CNKSR3: variants seen among roughly 807,000 people sequenced by gnomAD.
The protein encoded by CNKSR3 is CNKSR family member 3, also known as connector enhancer of kinase suppressor of ras 3.
A neutral mutation model predicts 67.7 loss-of-function variants in CNKSR3; 36 were observed. That is an observed-to-expected ratio of 0.53 (90% CI 0.41 to 0.70). CNKSR3 has a LOEUF of 0.70. Ranked by LOEUF, CNKSR3 falls within the 30% of genes least tolerant of loss-of-function variation. The pLI is 0.00. For synonymous variants in CNKSR3, 281 were observed against 271.4 expected (o/e 1.04, Z -0.35); for missense variants, 630 against 695.2 (o/e 0.91, Z 1.05).
At chr6:154,500,464 A>T (rs1030252958) in intron 1 of CNKSR3, among the ~76,000 whole-genome samples, 3 of 152,206 alleles carry the variant, frequency 2.0e-5, no homozygotes, top group African/African-American at 7.2e-5. Context: ...TGGAGCTGAC[A>T]GACTGTCTCC....
At chr6:154,448,040 T>C (rs2128718708) in intron 2 of CNKSR3, among the ~76,000 whole-genome samples, 1 of 152,250 alleles carries the variant, frequency 6.6e-6, no homozygotes, top group Admixed American at 6.5e-5. Flanking sequence ...TCCAATGTAG[T>C]CACTGGCACA....
rs930370822 is a variant in CNKSR3 at position 154,396,188 on chromosome 6, C to G, written c.*10166G>C. On this transcript the variant is annotated 3_prime_UTR_variant, in exon 13 of 13. Transcript: ENST00000607772. The stretch of plus-strand genomic sequence containing the variant: ...TAACTTTTCCCTGGCTAATTTGAAA[C>G]TGCCTGTACGAGCTTTAAATGAGTT... 6.6e-6 allele frequency: 1 copy of G among 152,222 alleles called. No individual in the cohort carries two copies. Among genetic ancestry groups the G allele is most frequent in the African/African-American group, 2.4e-5 (1 of 41,462 alleles). 9.4% of individuals were successfully genotyped at this position (152,222 alleles called of 1,614,324 possible). A position where few individuals can be genotyped will look rare whatever the true frequency, so the allele number is the denominator to read the frequency against.
At chr6:154,426,803 C>A (rs531507425) in intron 7 of CNKSR3, among the ~76,000 whole-genome samples, 3 of 152,172 alleles carry the variant, frequency 2.0e-5, no homozygotes, top group Admixed American at 6.5e-5. Context: ...TTAAGACAGA[C>A]AACGTAATCA....
chr6:154,452,267 CTGCA>C (rs2128719503), intron 1 of CNKSR3, among the ~76,000 whole-genome samples: 1 of 152,320 alleles, frequency 6.6e-6, no homozygotes, highest in Admixed American at 6.5e-5. Flanking sequence ...CCTCGCTCTT[CTGCA>C]TTTTCTCGCA....
chr6:154,467,852 T>C lies in CNKSR3; in HGVS notation c.53-17594A>G, dbSNP rs188759966. 7.0e-3 allele frequency among the ~76,000 whole-genome samples: 1,059 copies of C among 151,810 alleles called. 23 individuals carry two copies. Among genetic ancestry groups the C allele is most frequent in the African/African-American group, 0.024 (1,010 of 41,446 alleles). ...TCGGCTCACTGCAACCTCCGCCTCC[T>C]GGGTTCAAGTGATTCTCCTGCCTCA... On this transcript the variant is annotated intron_variant, in intron 1 of 12. Transcript: ENST00000607772.
chr6:154,505,832 A>G (rs1361785566), intron 1 of CNKSR3, among the ~76,000 whole-genome samples: 1 of 152,130 alleles, frequency 6.6e-6, no homozygotes, highest in African/African-American at 2.4e-5. Context: ...TACCCACTCG[A>G]GGCTGATCAA....
Position 154,393,370 on chromosome 6 carries a change from A to G in CNKSR3, c.*12984T>C, listed in dbSNP as rs1457230837. On this transcript the variant is annotated 3_prime_UTR_variant, in exon 13 of 13. Coordinates refer to ENST00000607772, the MANE Select transcript of CNKSR3 (RefSeq NM_173515.4). ...CCTCCAAGTATTTTCTAATCATTTC[A>G]GTTTTGCCAGTCAGGTAGAGAGCAG... The G allele has an allele frequency of 6.6e-6, 1 of 152,222 alleles. No individual in the cohort carries two copies. Among genetic ancestry groups the G allele is most frequent in the African/African-American group, 2.4e-5 (1 of 41,450 alleles). The allele number at this position is 152,222 out of a possible 1,614,324, so 9.4% of individuals were successfully genotyped here.
intron 1 of CNKSR3, among the ~76,000 whole-genome samples, chr6:154,496,309 A>T (rs1333609597): frequency 6.6e-6 from 1 of 151,934 alleles, no homozygotes; most frequent in Non-Finnish European, 1.5e-5. Context: ...AATAGAGAAC[A>T]GCAAAGGCAA....
chr6:154,387,557 C>T lies in CNKSR3; in HGVS notation c.*18797G>A, dbSNP rs1784563617. 1 of 152,148 alleles carries T rather than the reference C, an allele frequency of 6.6e-6. No homozygotes were observed. Among genetic ancestry groups the T allele is most frequent in the Non-Finnish European group, 1.5e-5 (1 of 68,040 alleles). The allele number at this position is 152,148 out of a possible 1,614,324, so 9.4% of individuals were successfully genotyped here. ...ATTATGTACATTAGTTAATGAGGCA[C>T]AGGAAAGGAATGTTAAGAAAAGCAG... is the stretch of plus-strand genomic sequence containing the variant. On this transcript the variant is annotated 3_prime_UTR_variant, in exon 13 of 13. Coordinates refer to ENST00000607772, the MANE Select transcript of CNKSR3 (RefSeq NM_173515.4).
In CNKSR3 at chr6:154,507,951, AAAC is replaced by A. The variant is rs58124833; in HGVS notation, c.52+2109_52+2111del. ...CCTTTTCCAATCCCAAGAGGGACAAAAACAACAACAACAACAACAACAAAACCA... is the reference window on the plus strand; with the variant it reads ...CCTTTTCCAATCCCAAGAGGGACAAAAACAACAACAACAACAACAAAACCA... On this transcript the variant is annotated intron_variant, in intron 1 of 12. Coordinates refer to ENST00000607772, the MANE Select transcript of CNKSR3 (RefSeq NM_173515.4). 9.0e-4 allele frequency among the ~76,000 whole-genome samples: 137 copies of A among 152,190 alleles called. 1 individual carries two copies. Among genetic ancestry groups the A allele is most frequent in the Admixed American group, 1.4e-3 (21 of 15,294 alleles).
rs1787187318 is a variant in CNKSR3 at position 154,510,174 on chromosome 6, G to A, written c.-60C>T. 10 of 1,598,926 alleles carry A rather than the reference G, an allele frequency of 6.3e-6. No homozygotes were observed. Among genetic ancestry groups the A allele is most frequent in the Non-Finnish European group, 8.6e-6 (10 of 1,167,462 alleles). On this transcript the variant is annotated 5_prime_UTR_variant, in exon 1 of 13. Transcript: ENST00000607772. ...TCGCAGATAAAGTGCTGCTGCCTGC[G>A]CTCCGGTGCCCCTTCCCGGGAGGGC... is the stretch of plus-strand genomic sequence containing the variant.
At chr6:154,443,512 C>A (rs150636726) in intron 2 of CNKSR3, among the ~76,000 whole-genome samples, 9 of 151,744 alleles carry the variant, frequency 5.9e-5, no homozygotes, top group Non-Finnish European at 1.0e-4. Flanking sequence ...TCTGAAGCAC[C>A]GTGTTTGTGG....
chr6:154,488,471 A>G (rs1272231352), intron 1 of CNKSR3, among the ~76,000 whole-genome samples: 1 of 152,236 alleles, frequency 6.6e-6, no homozygotes, highest in Non-Finnish European at 1.5e-5. Flanking sequence ...GAATTTCTAC[A>G]GCATGACTGG....
intron 1 of CNKSR3, among the ~76,000 whole-genome samples, chr6:154,478,078 G>A (rs527684643): frequency 4.6e-5 from 7 of 152,170 alleles, no homozygotes; most frequent in Non-Finnish European, 8.8e-5. Context: ...CGGGGCTGCA[G>A]AATGGCACTT....
intron 1 of CNKSR3, among the ~76,000 whole-genome samples, chr6:154,490,717 G>A (rs553861217): frequency 6.8e-6 from 1 of 147,476 alleles, no homozygotes; most frequent in South Asian, 2.2e-4. Context: ...CCACCACATC[G>A]GCTTCTTTCA....
intron 2 of CNKSR3, among the ~76,000 whole-genome samples, chr6:154,443,766 G>T (rs1180439326): frequency 6.6e-6 from 1 of 152,170 alleles, no homozygotes; most frequent in Non-Finnish European, 1.5e-5. Flanking sequence ...GGCTGAGGTA[G>T]GAGGATCGCT....
intron 9 of CNKSR3, among the ~76,000 whole-genome samples, chr6:154,417,224 T>C (rs1030016051): frequency 6.6e-6 from 1 of 152,172 alleles, no homozygotes; most frequent in Non-Finnish European, 1.5e-5. Flanking sequence ...TTTCTCACCC[T>C]TACCCCAAAA....
chr6:154,456,251 G>A (rs966187036), intron 1 of CNKSR3, among the ~76,000 whole-genome samples: 2 of 152,028 alleles, frequency 1.3e-5, no homozygotes, highest in African/African-American at 4.8e-5. Flanking sequence ...TTTGCATTGA[G>A]TACTCTCACC....
chr6:154,494,057 G>A (rs922745225), intron 1 of CNKSR3, among the ~76,000 whole-genome samples: 2 of 152,038 alleles, frequency 1.3e-5, no homozygotes, highest in African/African-American at 4.8e-5. Context: ...CAGAATACCA[G>A]GTAAATTAAT....
Sources: gnomAD v4.1 joint callset for allele counts (sites outside exome capture counted in the v4.1 genomes callset) on GRCh38, gnomAD v4.1.1 for gene constraint, MANE v1.5 for transcripts, NCBI Gene and HGNC (gene_info 2026-07-23, HGNC 2026-07-21) for gene names.